RFT1: variants seen among roughly 807,000 people sequenced by gnomAD.
RFT1 encodes RFT1 glycolipid translocator homolog.
Under a neutral mutation model 62.2 loss-of-function variants are expected in RFT1, and 43 were observed. That is an observed-to-expected ratio of 0.69 (90% CI 0.54 to 0.89). The LOEUF (loss-of-function observed/expected upper bound fraction) is 0.89, where lower values mean the gene tolerates loss of function less well. RFT1 is among the 40% of genes least tolerant of loss of function. RFT1 has a pLI of 0.00. For missense variants in RFT1, 605 were observed against 649.9 expected (o/e 0.93, Z 0.75); for synonymous variants, 262 against 264.6 (o/e 0.99, Z 0.10).
intron 4 of RFT1, 77 bp from the exon 5 acceptor site, chr3:53,121,877 T>C: frequency 1.6e-6 from 2 of 1,218,102 alleles, no homozygotes; most frequent in Admixed American, 1.9e-5. Context: ...AGACAGAAAA[T>C]CTAGGGCAGT....
Position 53,122,403 on chromosome 3 carries a change from C to T in RFT1, c.427G>A (p.Ala143Thr), listed in dbSNP as rs1474919792. Residue 143 changes from alanine (A) to threonine (T), a missense_variant, in exon 4 of 13, where the codon GCA (alanine) becomes ACA (threonine). By Grantham distance (58) the Ala-to-Thr change is moderately conservative. Coordinates refer to ENST00000296292, the MANE Select transcript of RFT1 (RefSeq NM_052859.4). ...AGCTTCACAAACATATGTGCTTGTG[C>T]CAAGACCCAAAAGGGCTCTCCTAGA... ...ELLGEPFWVL[A>T]QAHMFVKLKV... 1 of 1,613,914 alleles carries T rather than the reference C, an allele frequency of 6.2e-7. No homozygotes were observed. Among genetic ancestry groups the T allele is most frequent in the African/African-American group, 1.3e-5 (1 of 74,976 alleles).
rs142330220 is a variant in RFT1, at chr3:53,088,514, C to A, written c.*3389G>T. Reference sequence around the variant, plus strand: ...AAAGTGTGAAGAAAATATTTTATTTCTTATTAAACCAGGGGACTGATGTGA... The same window carrying A: ...AAAGTGTGAAGAAAATATTTTATTTATTATTAAACCAGGGGACTGATGTGA... On this transcript the variant is annotated 3_prime_UTR_variant, in exon 13 of 13. Transcript: ENST00000296292. 1 of 152,232 alleles carries A rather than the reference C, an allele frequency of 6.6e-6. No homozygotes were observed. The highest frequency in any genetic ancestry group is 1.9e-4 in the East Asian group (1 of 5,184). The allele number at this position is 152,232 out of a possible 1,614,324, so 9.4% of individuals were successfully genotyped here.
At chr3:53,112,657 C>T (rs375930422) in intron 6 of RFT1, among the ~76,000 whole-genome samples, 13 of 152,258 alleles carry the variant, frequency 8.5e-5, no homozygotes, top group African/African-American at 2.2e-4. Flanking sequence ...GCACAAGAAT[C>T]GTTTGAACCT....
intron 10 of RFT1, among the ~76,000 whole-genome samples, chr3:53,099,771 A>G (rs974318929): frequency 6.6e-6 from 1 of 152,242 alleles, no homozygotes; most frequent in Non-Finnish European, 1.5e-5. Flanking sequence ...GCAGACTGCT[A>G]GAGCCCAGAG....
At chr3:53,106,328 A>G (rs1701473869) in intron 8 of RFT1, among the ~76,000 whole-genome samples, 1 of 152,240 alleles carries the variant, frequency 6.6e-6, no homozygotes, top group Non-Finnish European at 1.5e-5. Flanking sequence ...TTGTAAAACT[A>G]TAGTACAATA....
chr3:53,094,351 GCACACACACACA>G (rs55637878), intron 11 of RFT1, among the ~76,000 whole-genome samples: 142 of 149,362 alleles, frequency 9.5e-4, no homozygotes, highest in Admixed American at 3.0e-3. Context: ...AATACTACAC[GCACACACACACA>G]CACACACACA....
rs181442832 is a variant in RFT1, at chr3:53,114,492, G to A, written c.697-2584C>T. 3.9e-5 allele frequency among the ~76,000 whole-genome samples: 6 copies of A among 152,296 alleles called. No individual in the cohort carries two copies. In the East Asian group the frequency reaches 9.6e-4, roughly 24 times the overall value. ...ACCACTTACTAAAAGTGCTCATTAA[G>A]GACACAGAGGCAGGAAATCCAATCT... On this transcript the variant is annotated intron_variant, in intron 6 of 12. Coordinates refer to ENST00000296292, the MANE Select transcript of RFT1 (RefSeq NM_052859.4).
chr3:53,097,557 A>G (rs1170846749), intron 11 of RFT1, among the ~76,000 whole-genome samples: 2 of 152,248 alleles, frequency 1.3e-5, no homozygotes, highest in Non-Finnish European at 2.9e-5. Context: ...GTTCAATACA[A>G]TATAAGAGAA....
chr3:53,093,915 G>A (rs1281882231), intron 11 of RFT1, among the ~76,000 whole-genome samples: 1 of 152,176 alleles, frequency 6.6e-6, no homozygotes, highest in Non-Finnish European at 1.5e-5. Context: ...TTGGGAGGCT[G>A]AGAGAGGAAG....
intron 10 of RFT1, among the ~76,000 whole-genome samples, chr3:53,103,420 C>T (rs1170732744): frequency 1.3e-5 from 2 of 152,206 alleles, no homozygotes; most frequent in Admixed American, 6.5e-5. Context: ...AAATTAGACA[C>T]ATTCAATACT....
At chr3:53,119,459 C>T (rs1701904818) in intron 6 of RFT1, among the ~76,000 whole-genome samples, 1 of 152,196 alleles carries the variant, frequency 6.6e-6, no homozygotes, top group Non-Finnish European at 1.5e-5. Flanking sequence ...CAGACAGTGT[C>T]AGCCTTTCAG....
At chr3:53,126,793 G>A (rs1047103418) in intron 1 of RFT1, among the ~76,000 whole-genome samples, 2 of 152,188 alleles carry the variant, frequency 1.3e-5, no homozygotes, top group African/African-American at 4.8e-5. Flanking sequence ...GTTGCTAAAT[G>A]GGGATGCTGG....
chr3:53,071,289 T>TCCC, the RFT1 span, among the ~76,000 whole-genome samples: 4 of 152,180 alleles, frequency 2.6e-5, no homozygotes, highest in Admixed American at 6.5e-5. Context: ...AGCCGGCGTG[T>TCCC]CCCCATCTGT....
At chr3:53,093,140 A>C (rs1216916376) in intron 11 of RFT1, among the ~76,000 whole-genome samples, 1 of 152,108 alleles carries the variant, frequency 6.6e-6, no homozygotes, top group Non-Finnish European at 1.5e-5. Flanking sequence ...TCAGTACCTC[A>C]CACCACTGCC....
chr3:53,092,307 TAGCGGGAGAGAC>T, intron 12 of RFT1, 50 bp downstream of exon 12: 1 of 1,566,094 alleles, frequency 6.4e-7, no homozygotes, highest in Non-Finnish European at 8.7e-7. Flanking sequence ...AGAGGAGGCC[TAGCGGGAGAGAC>T]AGCGGGGCAG....
chr3:53,105,598 A>T, intron 9 of RFT1, 75 bp downstream of exon 9: 1 of 1,520,934 alleles, frequency 6.6e-7, no homozygotes, highest in South Asian at 1.1e-5. Context: ...AGAGAAACAG[A>T]CTGCTTCACA....
downstream of RFT1, among the ~76,000 whole-genome samples, chr3:53,083,697 ATCCTGCCCACCAGCCCCACC>A (rs1700802278): frequency 6.6e-6 from 1 of 152,220 alleles, no homozygotes; most frequent in African/African-American, 2.4e-5. Context: ...GTGCTTGGGC[ATCCTGCCCACCAGCCCCACC>A]GGGCAGCCAG....
chr3:53,126,646 A>G (rs1702118772), intron 1 of RFT1, among the ~76,000 whole-genome samples: 1 of 152,230 alleles, frequency 6.6e-6, no homozygotes, highest in South Asian at 2.1e-4. Flanking sequence ...CATGGGGGGA[A>G]GGGAGAGAGT....
At chr3:53,126,967 G>T (rs1702125579) in intron 1 of RFT1, among the ~76,000 whole-genome samples, 1 of 152,036 alleles carries the variant, frequency 6.6e-6, no homozygotes, top group South Asian at 2.1e-4. Context: ...AAATCTCTGG[G>T]GACAGCTATG....
Sources: gnomAD v4.1 joint callset for allele counts (sites outside exome capture counted in the v4.1 genomes callset) on GRCh38, gnomAD v4.1.1 for gene constraint, MANE v1.5 for transcripts, NCBI Gene and HGNC (gene_info 2026-07-23, HGNC 2026-07-21) for gene names.